RFT1: variants seen among roughly 807,000 people sequenced by gnomAD.
The protein encoded by RFT1 is RFT1 glycolipid translocator homolog.
RFT1 carries 43 observed loss-of-function variants against 62.2 expected under a neutral mutation model. That is an observed-to-expected ratio of 0.69 (90% CI 0.54 to 0.89). The LOEUF is 0.89. RFT1 is among the 40% of genes least tolerant of loss of function. The probability of loss-of-function intolerance (pLI) is 0.00; values close to 1 mark genes in which losing one functional copy is unlikely to be tolerated. For missense variants in RFT1, 605 were observed against 649.9 expected (o/e 0.93, Z 0.75); for synonymous variants, 262 against 264.6 (o/e 0.99, Z 0.10).
intron 7 of RFT1, among the ~76,000 whole-genome samples, chr3:53,110,655 T>TG (rs896690576): frequency 6.6e-6 from 1 of 151,716 alleles, no homozygotes; most frequent in South Asian, 2.1e-4. Context: ...AAAATACAGA[T>TG]GGGGGGGAAA....
chr3:53,106,425 G>A (rs1253752110), intron 8 of RFT1, among the ~76,000 whole-genome samples: 1 of 152,112 alleles, frequency 6.6e-6, no homozygotes, highest in Non-Finnish European at 1.5e-5. Flanking sequence ...TTAATGCAAA[G>A]TTGATGTTTT....
At chr3:53,077,793 C>G in the RFT1 span, 1 of 152,218 alleles carries the variant, frequency 6.6e-6, no homozygotes, top group African/African-American at 2.4e-5. Flanking sequence ...AGCAGGGACA[C>G]CAAGGTCCAC....
rs1412264454 is a variant in RFT1, at chr3:53,097,217, T to C, written c.1208+2164A>G. Among the ~76,000 whole-genome samples the C allele has an allele frequency of 3.3e-5, 5 of 152,190 alleles. No homozygotes were observed. The South Asian group carries it at 1.0e-3, about 31-fold the overall frequency. On this transcript the variant is annotated intron_variant, in intron 11 of 12. Coordinates refer to ENST00000296292, the MANE Select transcript of RFT1 (RefSeq NM_052859.4). ...CTATAAAAATCCTTGCTAGAGTTTTTTGTCTGTTAAAATTCACAGAGATTA... is the reference window on the plus strand; with the variant it reads ...CTATAAAAATCCTTGCTAGAGTTTTCTGTCTGTTAAAATTCACAGAGATTA...
At chr3:53,120,449 A>G (rs1701938703) in intron 5 of RFT1, among the ~76,000 whole-genome samples, 2 of 152,140 alleles carry the variant, frequency 1.3e-5, no homozygotes, top group African/African-American at 4.8e-5. Flanking sequence ...GTTTTCTATA[A>G]ACCCCGGAAA....
chr3:53,087,602 G>A (rs1439731398), downstream of RFT1, among the ~76,000 whole-genome samples: 1 of 152,036 alleles, frequency 6.6e-6, no homozygotes, highest in African/African-American at 2.4e-5. Flanking sequence ...GCTCATTGCA[G>A]CCTTGAAATC....
chr3:53,092,589 G>A lies in RFT1; in HGVS notation c.1238C>T (p.Ser413Phe). ...RYNFVMLALS[S>F]SFLVLSYLLT... ...GAGATAGGATAACACCAGGAATGAGGAGGACAGGGCCAGCATCACAAAATT... is the reference window on the plus strand; with the variant it reads ...GAGATAGGATAACACCAGGAATGAGAAGGACAGGGCCAGCATCACAAAATT... The change falls in exon 12 of 13, where the codon TCC becomes TTC. Residue 413 changes from serine (S) to phenylalanine (F), a missense_variant. By Grantham distance (155) the Ser-to-Phe change is radical (BLOSUM62 -2). Transcript: ENST00000296292. The A allele has an allele frequency of 6.2e-7, 1 of 1,612,330 alleles. No homozygotes were observed.
chr3:53,085,418 G>C (rs1700834946), downstream of RFT1, among the ~76,000 whole-genome samples: 1 of 144,818 alleles, frequency 6.9e-6, no homozygotes, highest in Non-Finnish European at 1.6e-5. Context: ...GAGCACCCAG[G>C]GCCCTTTAAC....
chr3:53,073,521 C>T, the RFT1 span, among the ~76,000 whole-genome samples: 2 of 152,232 alleles, frequency 1.3e-5, no homozygotes, highest in African/African-American at 4.8e-5. Context: ...CTTTATGGAG[C>T]CACGGGCTGA....
rs770347644 is a variant in RFT1, at chr3:53,121,725, C to T, written c.532G>A (p.Gly178Arg). ...AFLVLWLPHW[G>R]LYIFSLAQLF... ...TGGGCCAAAGAGAAAATGTACAATCCCCAGTGAGGCAACCACAGCACGAGA... is the reference window on the plus strand; with the variant it reads ...TGGGCCAAAGAGAAAATGTACAATCTCCAGTGAGGCAACCACAGCACGAGA... Residue 178 changes from glycine (G) to arginine (R), a missense_variant, in exon 5 of 13, where the codon GGA (glycine) becomes AGA (arginine). Physicochemically the swap from Gly to Arg is moderately radical, Grantham distance 125 (BLOSUM62 -2). Coordinates refer to ENST00000296292, the MANE Select transcript of RFT1 (RefSeq NM_052859.4). 1.2e-6 allele frequency: 2 copies of T among 1,613,864 alleles called. No homozygotes were observed. The highest frequency in any genetic ancestry group is 8.5e-7 in the Non-Finnish European group (1 of 1,179,864).
rs139044698 is a variant in RFT1, at chr3:53,118,706, T to C, written c.696+1178A>G. On this transcript the variant is annotated intron_variant, in intron 6 of 12. Transcript: ENST00000296292. ...GAATGGAGGAGCTCATGAAGTGTCT[T>C]AGCAGAGACAACGTGGCAATATCAT... Among the ~76,000 whole-genome samples the C allele has an allele frequency of 3.4e-3, 512 of 152,230 alleles. 4 individuals are homozygous for C. The highest frequency in any genetic ancestry group is 0.012 in the African/African-American group (490 of 41,544).
chr3:53,105,145 G>A (rs1407936653), intron 9 of RFT1, among the ~76,000 whole-genome samples: 1 of 152,218 alleles, frequency 6.6e-6, no homozygotes, highest in Admixed American at 6.5e-5. Flanking sequence ...CAGGTATGGG[G>A]GCTCACACCT....
intron 9 of RFT1, 43 bp downstream of exon 9, chr3:53,105,630 A>C: frequency 6.2e-7 from 1 of 1,608,034 alleles, no homozygotes; most frequent in Non-Finnish European, 8.5e-7. Context: ...CTTGCAATTA[A>C]AGGGAGAATT....
chr3:53,104,006 T>C lies in RFT1; in HGVS notation c.1049A>G (p.Tyr350Cys), dbSNP rs148627975. The change falls in exon 10 of 13, where the codon TAT (tyrosine) becomes TGT (cysteine). Residue 350 changes from tyrosine (Y) to cysteine (C), a missense_variant. Coordinates refer to ENST00000296292, the MANE Select transcript of RFT1 (RefSeq NM_052859.4). The part of the protein sequence containing the change: ...GLTITVFGFA[Y>C]SQLALDIYGG... ...GTAGATATCCAGAGCCAGCTGAGAA[T>C]AGGCAAAGCCAAAAACAGTGATGGT... The C allele has an allele frequency of 3.0e-5, 48 of 1,614,070 alleles. No homozygotes were observed. In the African/African-American group the frequency reaches 3.6e-4, roughly 12 times the overall value.
chr3:53,121,614 G>C (rs998573567), intron 5 of RFT1, 85 bp downstream of exon 5: 2 of 1,082,830 alleles, frequency 1.8e-6, no homozygotes, highest in African/African-American at 1.6e-5. Flanking sequence ...TACTGTGAAT[G>C]CAGACCACAC....
chr3:53,093,371 ATCTT>A (rs1701051393), intron 11 of RFT1, among the ~76,000 whole-genome samples: 2 of 152,196 alleles, frequency 1.3e-5, no homozygotes, highest in African/African-American at 4.8e-5. Context: ...TCACTTAGTT[ATCTT>A]CAGTCCTCCA....
chr3:53,072,243 C>G, the RFT1 span, among the ~76,000 whole-genome samples: 1 of 152,132 alleles, frequency 6.6e-6, no homozygotes, highest in Non-Finnish European at 1.5e-5. Context: ...GATAAGGCTG[C>G]GTGGGAGCCT....
chr3:53,079,830 A>G, the RFT1 span, among the ~76,000 whole-genome samples: 1 of 152,096 alleles, frequency 6.6e-6, no homozygotes, highest in East Asian at 1.9e-4. Context: ...AAAAAACAAC[A>G]AAGCAAATCA....
the RFT1 span, among the ~76,000 whole-genome samples, chr3:53,076,878 T>C: frequency 6.6e-6 from 1 of 151,744 alleles, no homozygotes; most frequent in African/African-American, 2.4e-5. Context: ...CCCCAGGAGT[T>C]TGAGGCTGCA....
downstream of RFT1, among the ~76,000 whole-genome samples, chr3:53,086,150 GGTAA>G (rs2107052218): frequency 6.6e-6 from 1 of 152,284 alleles, no homozygotes; most frequent in Admixed American, 6.5e-5. Context: ...AATTCACTCA[GGTAA>G]GTAAATAATA....
Sources: gnomAD v4.1 joint callset for allele counts (sites outside exome capture counted in the v4.1 genomes callset) on GRCh38, gnomAD v4.1.1 for gene constraint, MANE v1.5 for transcripts, NCBI Gene and HGNC (gene_info 2026-07-23, HGNC 2026-07-21) for gene names.